CNTNAP4: variants seen among roughly 807,000 people sequenced by gnomAD.
The protein encoded by CNTNAP4 is contactin associated protein family member 4.
A neutral mutation model predicts 148.4 loss-of-function variants in CNTNAP4; 98 were observed. The ratio of observed to expected loss-of-function variants is 0.66; its 90% CI spans 0.56 to 0.78. The LOEUF (loss-of-function observed/expected upper bound fraction) is 0.78, where lower values mean the gene tolerates loss of function less well. Ranked by LOEUF, CNTNAP4 falls within the 30% of genes least tolerant of loss-of-function variation. The probability of loss-of-function intolerance (pLI) is 0.00; values close to 1 mark genes in which losing one functional copy is unlikely to be tolerated. For synonymous variants in CNTNAP4, 730 were observed against 565.1 expected, an observed-to-expected ratio of 1.29 and a Z score of -4.14; for missense variants, 1,935 against 1,565.6, an observed-to-expected ratio of 1.24 and a Z score of -3.98.
intron 1 of CNTNAP4, among the ~76,000 whole-genome samples, chr16:76,289,282 C>T (rs1959014827): frequency 6.6e-6 from 1 of 152,178 alleles, no homozygotes; most frequent in Admixed American, 6.6e-5. Flanking sequence ...CTGAAAATTA[C>T]TCTCCACATT....
intron 1 of CNTNAP4, among the ~76,000 whole-genome samples, chr16:76,307,029 G>A (rs1960548084): frequency 6.6e-6 from 1 of 152,052 alleles, no homozygotes; most frequent in East Asian, 1.9e-4. Flanking sequence ...AGAGACAAAT[G>A]TTTGATTACA....
intron 2 of CNTNAP4, among the ~76,000 whole-genome samples, chr16:76,347,383 C>T (rs1200187932): frequency 6.6e-6 from 1 of 152,124 alleles, no homozygotes; most frequent in Non-Finnish European, 1.5e-5. Flanking sequence ...CAGCAATGTG[C>T]TAGACACTTG....
At chr16:76,380,151 C>G (rs999103839) in intron 3 of CNTNAP4, among the ~76,000 whole-genome samples, 1 of 152,068 alleles carries the variant, frequency 6.6e-6, no homozygotes, top group Non-Finnish European at 1.5e-5. Flanking sequence ...CATAAAGGCC[C>G]TATGCATTTA....
intron 2 of CNTNAP4, among the ~76,000 whole-genome samples, chr16:76,336,710 A>G (rs1243813726): frequency 2.0e-5 from 3 of 152,210 alleles, no homozygotes; most frequent in Non-Finnish European, 4.4e-5. Context: ...GATGGTGTAC[A>G]GCAACTAGGT....
At chr16:76,469,524 A>G (rs56317459) in intron 10 of CNTNAP4, 54,418 of 152,128 alleles carry the variant, frequency 0.36, 10,547 homozygotes, top group Non-Finnish European at 0.42. Context: ...TCTGAGTGGT[A>G]GTGCATGTTG....
At position 76,325,217 on chromosome 16, in the gene CNTNAP4, A is replaced by G. The variant is rs137935516; in HGVS notation, c.196+8694A>G. Among the ~76,000 whole-genome samples, 23 of 152,356 alleles carry G rather than the reference A, an allele frequency of 1.5e-4. No homozygotes were observed. The East Asian group carries it at 2.1e-3, about 14-fold the overall frequency. ...ATATCATTCTGTAGCTTATTGAACA[A>G]GTAGGCAAAAAAATGAAAATAAAGA... On this transcript the variant is annotated intron_variant, in intron 2 of 23. Coordinates refer to ENST00000611870, the MANE Select transcript of CNTNAP4 (RefSeq NM_033401.5).
intron 9 of CNTNAP4, among the ~76,000 whole-genome samples, chr16:76,464,543 T>C (rs1180187534): frequency 6.6e-6 from 1 of 152,182 alleles, no homozygotes; most frequent in African/African-American, 2.4e-5. Flanking sequence ...GTTTTTTAGA[T>C]AATTCTTCAG....
intron 1 of CNTNAP4, among the ~76,000 whole-genome samples, chr16:76,295,482 GGAAT>G (rs1959215060): frequency 1.3e-5 from 2 of 151,958 alleles, no homozygotes; most frequent in Admixed American, 1.3e-4. Context: ...GTGAAGGATG[GGAAT>G]GATAAAAAAC....
intron 13 of CNTNAP4, among the ~76,000 whole-genome samples, chr16:76,490,558 C>T (rs1339049664): frequency 1.3e-5 from 2 of 152,198 alleles, no homozygotes; most frequent in South Asian, 4.1e-4. Context: ...CAAGAGCTTT[C>T]CAGCTGGCCT....
rs955925927 is a variant in CNTNAP4, at chr16:76,498,690, A to C, written c.2361A>C (p.Gly787=). The C allele has an allele frequency of 6.2e-7, 1 of 1,604,382 alleles. No individual in the cohort carries two copies. The highest frequency in any genetic ancestry group is 1.7e-5 in the Admixed American group (1 of 58,230). The change falls in exon 15 of 24, where the codon GGA becomes GGC. Residue 787 remains glycine (G), a synonymous_variant. Transcript: ENST00000611870. The part of the protein sequence containing the change: ...AYKLGPLLCQ[G]DRSFWNSASF... ...AACTGGGGCCTCTGCTCTGCCAGGGAGACAGTAAGTGGTTACAATGTGTTG... is the reference window on the plus strand; with the variant it reads ...AACTGGGGCCTCTGCTCTGCCAGGGCGACAGTAAGTGGTTACAATGTGTTG...
At chr16:76,504,674 A>G (rs2082776021) in intron 15 of CNTNAP4, among the ~76,000 whole-genome samples, 1 of 152,174 alleles carries the variant, frequency 6.6e-6, no homozygotes, top group East Asian at 1.9e-4. Flanking sequence ...AATTGAAAAG[A>G]AAAGCTACAG....
At chr16:76,344,010 A>C (rs1964704932) in intron 2 of CNTNAP4, among the ~76,000 whole-genome samples, 1 of 152,182 alleles carries the variant, frequency 6.6e-6, no homozygotes, top group African/African-American at 2.4e-5. Context: ...ATTGTGTAGT[A>C]AAAGGGTCTG....
At chr16:76,423,086 TGAAGTAG>T (rs2079247930) in intron 3 of CNTNAP4, among the ~76,000 whole-genome samples, 1 of 152,158 alleles carries the variant, frequency 6.6e-6, no homozygotes, top group Non-Finnish European at 1.5e-5. Context: ...CTATGAAACA[TGAAGTAG>T]GCCTTCACCA....
chr16:76,441,618 C>T (rs1004563473), intron 4 of CNTNAP4, among the ~76,000 whole-genome samples: 5 of 152,108 alleles, frequency 3.3e-5, no homozygotes, highest in Admixed American at 3.3e-4. Flanking sequence ...ACAGAAAAAG[C>T]CACAGAACCC....
At chr16:76,344,928 G>T (rs139800965) in intron 2 of CNTNAP4, among the ~76,000 whole-genome samples, 56 of 152,328 alleles carry the variant, frequency 3.7e-4, no homozygotes, top group African/African-American at 1.3e-3. Context: ...CCTGGCTAAT[G>T]TTGGTTATTT....
At chr16:76,445,768 A>G (rs544938486) in intron 4 of CNTNAP4, among the ~76,000 whole-genome samples, 4 of 152,320 alleles carry the variant, frequency 2.6e-5, no homozygotes, top group African/African-American at 9.6e-5. Context: ...AGCTAATTTC[A>G]AAAATAGTCT....
chr16:76,381,127 T>C (rs149508745), intron 3 of CNTNAP4, among the ~76,000 whole-genome samples: 7 of 152,320 alleles, frequency 4.6e-5, no homozygotes, highest in African/African-American at 1.7e-4. Flanking sequence ...TTTCACACTA[T>C]CTTCCTCTAG....
At chr16:76,386,934 G>A (rs893974734) in intron 3 of CNTNAP4, among the ~76,000 whole-genome samples, 3 of 152,170 alleles carry the variant, frequency 2.0e-5, no homozygotes, top group Non-Finnish European at 2.9e-5. Flanking sequence ...ATCTGTGAAT[G>A]ACTCAACTTG....
intron 15 of CNTNAP4, among the ~76,000 whole-genome samples, chr16:76,500,489 C>T (rs535279144): frequency 1.6e-4 from 25 of 152,298 alleles, no homozygotes; most frequent in African/African-American, 6.0e-4. Context: ...CAGTGCTAAA[C>T]ACAGTTATTA....
Sources: gnomAD v4.1 joint callset for allele counts (sites outside exome capture counted in the v4.1 genomes callset) on GRCh38, gnomAD v4.1.1 for gene constraint, MANE v1.5 for transcripts, NCBI Gene and HGNC (gene_info 2026-07-23, HGNC 2026-07-21) for gene names.